Variants in IQCM observed in about 807,000 individuals in gnomAD.
IQCM encodes the protein IQ motif containing M.
IQCM carries 45 observed loss-of-function variants against 57.6 expected under a neutral mutation model. That is an observed-to-expected ratio of 0.78 (90% CI 0.62 to 1.00). The LOEUF is 1.00. Among genes scored for constraint, IQCM ranks in the 50% least tolerant of loss-of-function variants. IQCM has a pLI of 0.00. For missense variants in IQCM, 468 were observed against 511.6 expected, an observed-to-expected ratio of 0.91 and a Z score of 0.82; for synonymous variants, 148 against 158.9, an observed-to-expected ratio of 0.93 and a Z score of 0.51.
chr4:149,694,702 C>G (rs1763210786), intron 5 of IQCM, among the ~76,000 whole-genome samples: 2 of 152,126 alleles, frequency 1.3e-5, no homozygotes, highest in Admixed American at 1.3e-4. Flanking sequence ...GGAGTGTGTT[C>G]CTCATCACAG....
At chr4:149,775,713 C>T (rs2149997928) in intron 2 of IQCM, among the ~76,000 whole-genome samples, 1 of 152,112 alleles carries the variant, frequency 6.6e-6, no homozygotes, top group East Asian at 1.9e-4. Context: ...CTGCAAGTTC[C>T]TTCCACACAA....
intron 13 of IQCM, among the ~76,000 whole-genome samples, chr4:149,412,541 C>T (rs1432154416): frequency 6.6e-6 from 1 of 152,128 alleles, no homozygotes; most frequent in Non-Finnish European, 1.5e-5. Context: ...TCTACTCACT[C>T]ATTCAAAACT....
intron 8 of IQCM, among the ~76,000 whole-genome samples, chr4:149,609,938 A>G (rs915739820): frequency 1.3e-5 from 2 of 151,958 alleles, no homozygotes; most frequent in Admixed American, 1.3e-4. Context: ...AAAAAGTCAA[A>G]TTATCCTAGT....
At chr4:149,471,062 G>C (rs1254243852) in intron 12 of IQCM, among the ~76,000 whole-genome samples, 1 of 152,042 alleles carries the variant, frequency 6.6e-6, no homozygotes, top group Non-Finnish European at 1.5e-5. Context: ...AAAAGAACTG[G>C]AGAAGCAAGA....
At chr4:149,565,693 G>T (rs1185603351) in intron 9 of IQCM, among the ~76,000 whole-genome samples, 2 of 152,110 alleles carry the variant, frequency 1.3e-5, no homozygotes, top group African/African-American at 4.8e-5. Context: ...GAACCAGTGA[G>T]ATTTGTTGAA....
intron 8 of IQCM, among the ~76,000 whole-genome samples, chr4:149,594,157 G>A (rs1455510178): frequency 6.6e-6 from 1 of 152,106 alleles, no homozygotes; most frequent in Non-Finnish European, 1.5e-5. Flanking sequence ...TCTATTCAGG[G>A]ATTCAACTTC....
Position 149,511,677 on chromosome 4 carries a change from T to C in IQCM, c.1228+36778A>G, listed in dbSNP as rs569273473. ...TGTCCTCCCCTGTCATAGACCTTAT[T>C]ATTGTGTGTTATAATCCTCTGTATC... is the stretch of plus-strand genomic sequence containing the variant. On this transcript the variant is annotated intron_variant, in intron 12 of 13. Coordinates refer to ENST00000636793, the MANE Select transcript of IQCM (RefSeq NM_001363507.2). Among the ~76,000 whole-genome samples the C allele has an allele frequency of 2.7e-4, 41 of 152,288 alleles. 1 individual carries two copies. The highest frequency in any genetic ancestry group is 2.5e-3 in the South Asian group (12 of 4,832).
intron 10 of IQCM, among the ~76,000 whole-genome samples, chr4:149,559,045 G>A (rs980091667): frequency 7.9e-5 from 12 of 152,044 alleles, no homozygotes; most frequent in Non-Finnish European, 1.2e-4. Flanking sequence ...CCATACACCA[G>A]ATTGCTCAAG....
intron 5 of IQCM, among the ~76,000 whole-genome samples, chr4:149,727,815 CA>C (rs750327764): frequency 6.6e-5 from 10 of 152,198 alleles, no homozygotes; most frequent in Non-Finnish European, 1.5e-4. Flanking sequence ...GAGATGAGCC[CA>C]AGAGGATTTC....
chr4:149,440,774 A>G (rs1389782203), intron 12 of IQCM, among the ~76,000 whole-genome samples: 3 of 152,124 alleles, frequency 2.0e-5, no homozygotes, highest in South Asian at 2.1e-4. Flanking sequence ...ATTTTTAAAA[A>G]TAAGTGCTGT....
chr4:149,742,671 C>T lies in IQCM; in HGVS notation c.21G>A (p.Met7Ile), dbSNP rs1767570114. 4.9e-6 allele frequency: 6 copies of T among 1,231,344 alleles called. No individual in the cohort carries two copies. In the South Asian group the frequency reaches 2.1e-4, roughly 42 times the overall value. The allele number at this position is 1,231,344 out of a possible 1,614,324, so 76.3% of individuals were successfully genotyped here. The change falls in exon 3 of 14, where the codon ATG becomes ATA. Residue 7 changes from methionine to isoleucine, a missense_variant. By Grantham distance (10) the Met-to-Ile change is conservative. Coordinates refer to ENST00000636793, the MANE Select transcript of IQCM (RefSeq NM_001363507.2). The part of the protein sequence containing the change: MTTEEA[M>I]PEKAKCPTLE... ...GATACTCACATTTTGCTTTTTCAGGCATAGCCTCTTCAGTAGTCATGAGGG... is the reference window on the plus strand; with the variant it reads ...GATACTCACATTTTGCTTTTTCAGGTATAGCCTCTTCAGTAGTCATGAGGG...
chr4:149,449,301 C>T (rs1484827511), intron 12 of IQCM, among the ~76,000 whole-genome samples: 2 of 144,052 alleles, frequency 1.4e-5, no homozygotes, highest in East Asian at 2.0e-4. Flanking sequence ...ACTCACAGTA[C>T]CTGGTTTTAA....
intron 8 of IQCM, among the ~76,000 whole-genome samples, chr4:149,602,919 C>A (rs1175533483): frequency 6.6e-6 from 1 of 151,844 alleles, no homozygotes; most frequent in African/African-American, 2.4e-5. Context: ...CCATATATAA[C>A]AAAATACAAA....
rs139767570 is a variant in IQCM at position 149,694,578 on chromosome 4, TTCAGA to T, written c.386-8115_386-8111del. Among the ~76,000 whole-genome samples, 31 of 152,156 alleles carry T rather than the reference TTCAGA, an allele frequency of 2.0e-4. No individual in the cohort carries two copies. In the East Asian group the frequency reaches 6.0e-3, roughly 29 times the overall value. On this transcript the variant is annotated intron_variant, in intron 5 of 13. Coordinates refer to ENST00000636793, the MANE Select transcript of IQCM (RefSeq NM_001363507.2). ...CACACACAAAAAACAGCATCTCTAT[TTCAGA>T]TTGTAAAAATCGTCTATGTTAAATA...
At chr4:149,435,314 G>A (rs1735251109) in intron 12 of IQCM, among the ~76,000 whole-genome samples, 1 of 152,034 alleles carries the variant, frequency 6.6e-6, no homozygotes, top group South Asian at 2.1e-4. Context: ...CAACATTTCA[G>A]TAATGATGGA....
chr4:149,815,366 G>A lies in IQCM; in HGVS notation c.-86-18C>T, dbSNP rs1287208196. 1.3e-5 allele frequency: 2 copies of A among 151,884 alleles called. No individual in the cohort carries two copies. Among genetic ancestry groups the A allele is most frequent in the Non-Finnish European group, 1.5e-5 (1 of 67,870 alleles). 9.4% of individuals were successfully genotyped at this position (151,884 alleles called of 1,614,324 possible). A position where few individuals can be genotyped will look rare whatever the true frequency, so the allele number is the denominator to read the frequency against. On this transcript the variant is annotated intron_variant, in intron 1 of 13. Coordinates refer to ENST00000636793, the MANE Select transcript of IQCM (RefSeq NM_001363507.2). ...TCTTCTTCCTAGAAGGCACAGGAGAGTTCATTGAAAATATGCTCACAGCTT... is the reference window on the plus strand; with the variant it reads ...TCTTCTTCCTAGAAGGCACAGGAGAATTCATTGAAAATATGCTCACAGCTT...
intron 7 of IQCM, among the ~76,000 whole-genome samples, chr4:149,654,726 T>C (rs970272864): frequency 2.0e-5 from 3 of 152,146 alleles, no homozygotes; most frequent in Admixed American, 6.6e-5. Flanking sequence ...CCAAAGTCCT[T>C]TGGAGCACAA....
In IQCM at chr4:149,786,212, C is replaced by A. The variant is rs140044870; in HGVS notation, c.-49+29099G>T. Among the ~76,000 whole-genome samples, 895 of 152,234 alleles carry A rather than the reference C, an allele frequency of 5.9e-3. 11 individuals carry two copies. The highest frequency in any genetic ancestry group is 0.04 in the East Asian group (205 of 5,176). ...ACACAAAATTAGCCTTACAATTGCCCCCAGCTTACTGCCTGGAGGGAATTT... is the reference window on the plus strand; with the variant it reads ...ACACAAAATTAGCCTTACAATTGCCACCAGCTTACTGCCTGGAGGGAATTT... On this transcript the variant is annotated intron_variant, in intron 2 of 13. Coordinates refer to ENST00000636793, the MANE Select transcript of IQCM (RefSeq NM_001363507.2).
intron 12 of IQCM, among the ~76,000 whole-genome samples, chr4:149,461,914 A>C (rs982794580): frequency 6.6e-6 from 1 of 151,990 alleles, no homozygotes; most frequent in Non-Finnish European, 1.5e-5. Flanking sequence ...TTTATTAGAA[A>C]AGATTGAATT....
Sources: gnomAD v4.1 joint callset for allele counts (sites outside exome capture counted in the v4.1 genomes callset) on GRCh38, gnomAD v4.1.1 for gene constraint, MANE v1.5 for transcripts, NCBI Gene and HGNC (gene_info 2026-07-23, HGNC 2026-07-21) for gene names.